Variants in SLC25A21 observed in about 807,000 individuals in gnomAD.
The protein encoded by SLC25A21 is mitochondrial 2-oxodicarboxylate carrier.
In SLC25A21, 47 loss-of-function variants were observed where a neutral mutation model predicts 43.8. The observed-to-expected ratio is 1.07, with a 90% CI of 0.85 to 1.37. The LOEUF (loss-of-function observed/expected upper bound fraction) is 1.37. SLC25A21 is among the 40% of genes most tolerant of loss of function. The probability of loss-of-function intolerance (pLI) is 0.00; values close to 1 mark genes in which losing one functional copy is unlikely to be tolerated. For synonymous variants in SLC25A21, 131 were observed against 121.3 expected (o/e 1.08, Z -0.52); for missense variants, 352 against 350.2 (o/e 1.00, Z -0.04).
intron 6 of SLC25A21, among the ~76,000 whole-genome samples, chr14:36,713,002 C>T (rs1883954981): frequency 1.3e-5 from 2 of 152,112 alleles, no homozygotes; most frequent in African/African-American, 2.4e-5. Flanking sequence ...GGAAGGCAGT[C>T]TAGAGGTGGG....
At position 37,172,433 on chromosome 14, in the gene SLC25A21, C is replaced by T. The variant is rs1355079589; in HGVS notation, c.-83G>A. The T allele has an allele frequency of 2.8e-6, 4 of 1,420,546 alleles. No individual in the cohort carries two copies. The highest frequency in any genetic ancestry group is 3.9e-6 in the Non-Finnish European group (4 of 1,027,242). 88.0% of individuals were successfully genotyped at this position (1,420,546 alleles called of 1,614,324 possible). A position where few individuals can be genotyped will look rare whatever the true frequency, so the allele number is the denominator to read the frequency against. On this transcript the variant is annotated 5_prime_UTR_variant, in exon 1 of 10. Transcript: ENST00000331299. ...TGCACAGCCTACTGATCCAGAGAGC[C>T]CCGGCTGGGCTGGTCCTCAAGCGCG...
At chr14:36,924,631 A>T (rs1032865775) in intron 1 of SLC25A21, among the ~76,000 whole-genome samples, 3 of 152,098 alleles carry the variant, frequency 2.0e-5, no homozygotes, top group Admixed American at 6.6e-5. Context: ...CATATGTAAC[A>T]AACCTGCACC....
At chr14:36,853,993 G>C (rs1458330772) in intron 2 of SLC25A21, among the ~76,000 whole-genome samples, 1 of 152,168 alleles carries the variant, frequency 6.6e-6, no homozygotes. Context: ...ATTCAGGTTT[G>C]ACAACTAGTA....
chr14:37,013,011 G>C (rs116812289), intron 1 of SLC25A21, among the ~76,000 whole-genome samples: 287 of 152,302 alleles, frequency 1.9e-3, no homozygotes, highest in African/African-American at 6.4e-3. Context: ...GGATTGCGCA[G>C]CTCAGAGTCT....
chr14:37,127,103 GA>G (rs1381885891), intron 1 of SLC25A21, among the ~76,000 whole-genome samples: 1 of 152,194 alleles, frequency 6.6e-6, no homozygotes, highest in Non-Finnish European at 1.5e-5. Flanking sequence ...GAAAGTGATA[GA>G]GATAGAATTT....
intron 1 of SLC25A21, among the ~76,000 whole-genome samples, chr14:36,987,571 T>C (rs1460504531): frequency 1.3e-5 from 2 of 152,172 alleles, no homozygotes; most frequent in East Asian, 1.9e-4. Context: ...TCACATAATA[T>C]ATCGTTAATA....
At chr14:36,779,609 C>CATATATATATATATATATATATATAT (rs35392668) in intron 3 of SLC25A21, among the ~76,000 whole-genome samples, 1 of 122,484 alleles carries the variant, frequency 8.2e-6, no homozygotes, top group Non-Finnish European at 1.7e-5. Context: ...TATGTGTATA[C>CATATATATATATATATATATATATAT]ATATATATAT....
intron 1 of SLC25A21, among the ~76,000 whole-genome samples, chr14:36,959,778 A>T (rs1370699431): frequency 6.6e-6 from 1 of 152,168 alleles, no homozygotes; most frequent in Non-Finnish European, 1.5e-5. Flanking sequence ...TTGTAATAAT[A>T]TTATCAGCAA....
At chr14:36,914,813 C>T (rs1012585525) in intron 1 of SLC25A21, among the ~76,000 whole-genome samples, 5 of 151,904 alleles carry the variant, frequency 3.3e-5, no homozygotes, top group African/African-American at 1.2e-4. Context: ...TTTATATTTC[C>T]CTAAAATTTG....
intron 2 of SLC25A21, among the ~76,000 whole-genome samples, chr14:36,859,635 A>G (rs751568832): frequency 4.6e-5 from 7 of 152,234 alleles, no homozygotes. Context: ...GTACAGGGGC[A>G]GCTGGTGCAC....
chr14:37,030,339 T>C (rs1338529423), intron 1 of SLC25A21, among the ~76,000 whole-genome samples: 1 of 152,094 alleles, frequency 6.6e-6, no homozygotes, highest in Non-Finnish European at 1.5e-5. Context: ...GAAATAGACC[T>C]GATCAATTGA....
At chr14:36,896,624 T>A (rs989798711) in intron 1 of SLC25A21, among the ~76,000 whole-genome samples, 1 of 152,230 alleles carries the variant, frequency 6.6e-6, no homozygotes, top group Non-Finnish European at 1.5e-5. Context: ...ATGCAGTTTC[T>A]TCCTAGCCTT....
chr14:36,814,697 A>G (rs1397757771), intron 2 of SLC25A21, among the ~76,000 whole-genome samples: 1 of 152,250 alleles, frequency 6.6e-6, no homozygotes, highest in Admixed American at 6.5e-5. Context: ...GTGGAGAAAT[A>G]GGAACGCTTT....
At chr14:36,793,051 C>T (rs1293306251) in intron 3 of SLC25A21, among the ~76,000 whole-genome samples, 2 of 152,124 alleles carry the variant, frequency 1.3e-5, no homozygotes, top group African/African-American at 2.4e-5. Context: ...ACTGGCATTA[C>T]TTTTTTATTA....
At chr14:36,989,155 C>T (rs977763527) in intron 1 of SLC25A21, among the ~76,000 whole-genome samples, 14 of 152,146 alleles carry the variant, frequency 9.2e-5, no homozygotes, top group African/African-American at 3.1e-4. Context: ...GGCTTTGCCA[C>T]TTGCTCTCCC....
At chr14:36,731,691 G>A (rs1396204122) in intron 4 of SLC25A21, among the ~76,000 whole-genome samples, 1 of 152,134 alleles carries the variant, frequency 6.6e-6, no homozygotes, top group Admixed American at 6.5e-5. Context: ...AAAGCCTTTT[G>A]GGTGGTTCTT....
intron 1 of SLC25A21, among the ~76,000 whole-genome samples, chr14:37,076,024 C>T (rs754589363): frequency 2.0e-5 from 3 of 152,158 alleles, no homozygotes; most frequent in Admixed American, 6.5e-5. Context: ...TATGCTTCCC[C>T]GAGCTAGCAA....
intron 1 of SLC25A21, among the ~76,000 whole-genome samples, chr14:37,075,970 C>T (rs1254143622): frequency 6.6e-6 from 1 of 152,182 alleles, no homozygotes; most frequent in African/African-American, 2.4e-5. Flanking sequence ...ATGATGAGGG[C>T]CAGCGGAAGC....
At chr14:36,868,320 A>AAT (rs1890270263) in intron 2 of SLC25A21, among the ~76,000 whole-genome samples, 1 of 152,122 alleles carries the variant, frequency 6.6e-6, no homozygotes, top group South Asian at 2.1e-4. Context: ...ACTATAAAAC[A>AAT]ATATATACAG....
Sources: allele counts gnomAD v4.1 joint callset (sites outside exome capture counted in the v4.1 genomes callset), GRCh38; gene constraint gnomAD v4.1.1; transcripts MANE v1.5; gene names NCBI Gene and HGNC (gene_info 2026-07-23, HGNC 2026-07-21).